The following FRMD4A variants were observed in gnomAD, a reference collection of about 807,000 sequenced individuals.
FRMD4A encodes the protein FERM domain containing 4A, also known as FERM domain-containing protein 4A.
A neutral mutation model predicts 129.1 loss-of-function variants in FRMD4A; 29 were observed. That is an observed-to-expected ratio of 0.22 (90% confidence interval 0.17 to 0.31). FRMD4A has a LOEUF of 0.31. Ranked by LOEUF, FRMD4A falls within the 10% of genes least tolerant of loss-of-function variation. FRMD4A has a pLI of 1.00. For synonymous variants in FRMD4A, 634 were observed against 571.6 expected (o/e 1.11, Z -1.56); for missense variants, 1,272 against 1,375.8 (o/e 0.92, Z 1.19).
intron 2 of FRMD4A, among the ~76,000 whole-genome samples, chr10:14,076,001 G>A (rs540697849): frequency 3.9e-4 from 60 of 152,280 alleles, no homozygotes; most frequent in African/African-American, 1.4e-3. Context: ...ACCACAGGAG[G>A]ATGGAACATT....
At chr10:14,018,037 G>T (rs572315618) in intron 2 of FRMD4A, among the ~76,000 whole-genome samples, 2 of 152,096 alleles carry the variant, frequency 1.3e-5, no homozygotes, top group Non-Finnish European at 2.9e-5. Context: ...CTTGCTGGGG[G>T]TACTCCATTC....
intron 4 of FRMD4A, among the ~76,000 whole-genome samples, chr10:13,803,945 T>A (rs1325141132): frequency 1.3e-5 from 2 of 152,192 alleles, no homozygotes; most frequent in Non-Finnish European, 2.9e-5. Flanking sequence ...GTCATTTGCA[T>A]TGGGAAGGAA....
At chr10:14,290,863 A>G (rs1391769219) in intron 2 of FRMD4A, among the ~76,000 whole-genome samples, 3 of 152,130 alleles carry the variant, frequency 2.0e-5, no homozygotes, top group African/African-American at 7.2e-5. Context: ...TAAGTAAAAT[A>G]TATGATAAAT....
chr10:13,775,838 G>A (rs1419231644), intron 6 of FRMD4A, among the ~76,000 whole-genome samples: 1 of 152,148 alleles, frequency 6.6e-6, no homozygotes, highest in African/African-American at 2.4e-5. Context: ...AATTAATATT[G>A]GTAGACATCT....
At position 13,909,668 on chromosome 10, in the gene FRMD4A, G is replaced by A. The variant is rs142999902; in HGVS notation, c.46-50756C>T. ...TTGTGTAATAAAATAAACAGAAATT[G>A]CCCAAACTTAACACTGTCGCAATGC... On this transcript the variant is annotated intron_variant, in intron 2 of 24. Coordinates refer to ENST00000357447, the MANE Select transcript of FRMD4A (RefSeq NM_018027.5). 2.9e-3 allele frequency among the ~76,000 whole-genome samples: 443 copies of A among 152,278 alleles called. 2 individuals are homozygous for A. Among genetic ancestry groups the A allele is most frequent in the African/African-American group, 0.01 (423 of 41,554 alleles).
At chr10:14,101,687 C>T (rs1837310821) in intron 2 of FRMD4A, among the ~76,000 whole-genome samples, 2 of 152,098 alleles carry the variant, frequency 1.3e-5, no homozygotes, top group South Asian at 4.1e-4. Flanking sequence ...TCACCATCTC[C>T]ATGCTGGTGA....
At chr10:14,169,111 G>T (rs1564358737) in intron 2 of FRMD4A, among the ~76,000 whole-genome samples, 1 of 152,142 alleles carries the variant, frequency 6.6e-6, no homozygotes, top group African/African-American at 2.4e-5. Context: ...TGGCTTTATG[G>T]AAAAATTAAA....
intron 2 of FRMD4A, among the ~76,000 whole-genome samples, chr10:14,076,465 C>A (rs1435351570): frequency 6.6e-6 from 1 of 151,870 alleles, no homozygotes; most frequent in East Asian, 1.9e-4. Flanking sequence ...ACAGTGAGAC[C>A]CTGTCTCTAC....
chr10:14,134,245 A>G (rs1398650816), intron 2 of FRMD4A, among the ~76,000 whole-genome samples: 2 of 139,564 alleles, frequency 1.4e-5, no homozygotes, highest in Non-Finnish European at 3.0e-5. Flanking sequence ...GAGAATTGGA[A>G]AGAATGGATG....
intron 3 of FRMD4A, among the ~76,000 whole-genome samples, chr10:13,832,524 T>G (rs1306022421): frequency 6.6e-6 from 1 of 152,210 alleles, no homozygotes; most frequent in East Asian, 1.9e-4. Flanking sequence ...TGATTGGTCT[T>G]GGGTGGGTCG....
At chr10:13,843,201 G>A (rs1018157535) in intron 3 of FRMD4A, among the ~76,000 whole-genome samples, 7 of 152,228 alleles carry the variant, frequency 4.6e-5, no homozygotes, top group African/African-American at 1.2e-4. Context: ...TGGCTTCATC[G>A]CTGGGACCCA....
At chr10:13,969,698 C>A (rs1181544670) in intron 2 of FRMD4A, among the ~76,000 whole-genome samples, 4 of 152,000 alleles carry the variant, frequency 2.6e-5, no homozygotes, top group Non-Finnish European at 4.4e-5. Context: ...CAAAAAAATT[C>A]TAAAAAATAG....
At chr10:14,000,668 A>AAAAAAAAAAAAAAAG (rs1555009702) in intron 2 of FRMD4A, among the ~76,000 whole-genome samples, 1 of 74,638 alleles carries the variant, frequency 1.3e-5, no homozygotes, top group African/African-American at 3.1e-5. Context: ...AAAAAAAAAA[A>AAAAAAAAAAAAAAAG]GAGAAGAAAG....
intron 2 of FRMD4A, among the ~76,000 whole-genome samples, chr10:13,867,472 G>T (rs2094381952): frequency 6.7e-6 from 1 of 149,422 alleles, no homozygotes; most frequent in South Asian, 2.1e-4. Flanking sequence ...TGTTGTCCAG[G>T]CTGCTCTTGA....
intron 9 of FRMD4A, among the ~76,000 whole-genome samples, chr10:13,746,078 T>C (rs1253747325): frequency 6.6e-6 from 1 of 151,832 alleles, no homozygotes; most frequent in Non-Finnish European, 1.5e-5. Flanking sequence ...AAAAGAGGAG[T>C]GGCAATAAAA....
intron 2 of FRMD4A, among the ~76,000 whole-genome samples, chr10:14,048,840 TAGAATAGAATAGAATAGAA>T (rs1834109182): frequency 3.5e-5 from 1 of 28,776 alleles, no homozygotes; most frequent in African/African-American, 1.8e-4. Context: ...TAGAATAGAA[TAGAATAGAATAGAATAGAA>T]TAGAATAGAA....
At chr10:14,327,365 C>T (rs1025712076) in intron 2 of FRMD4A, among the ~76,000 whole-genome samples, 22 of 152,216 alleles carry the variant, frequency 1.4e-4, no homozygotes, top group Admixed American at 4.6e-4. Flanking sequence ...ATAAAGCCCT[C>T]GAATTGGCTA....
chr10:14,167,991 G>A (rs1316484979), intron 2 of FRMD4A, among the ~76,000 whole-genome samples: 1 of 152,170 alleles, frequency 6.6e-6, no homozygotes, highest in African/African-American at 2.4e-5. Context: ...CATGGTTCTT[G>A]GATTCAGTGA....
At chr10:13,952,207 G>A (rs1043769933) in intron 2 of FRMD4A, among the ~76,000 whole-genome samples, 18 of 150,238 alleles carry the variant, frequency 1.2e-4, no homozygotes, top group African/African-American at 3.9e-4. Flanking sequence ...TTTTTTAAAT[G>A]GAGTGGCTGC....
Sources: allele counts gnomAD v4.1 joint callset (sites outside exome capture counted in the v4.1 genomes callset), GRCh38; gene constraint gnomAD v4.1.1; transcripts MANE v1.5; gene names NCBI Gene and HGNC (gene_info 2026-07-23, HGNC 2026-07-21).